The following NEBL variants were observed in gnomAD, a reference collection of about 807,000 sequenced individuals.
NEBL encodes the protein nebulette.
Under a neutral mutation model 140.2 loss-of-function variants are expected in NEBL, and 122 were observed. The ratio of observed to expected loss-of-function variants is 0.87; its 90% CI spans 0.75 to 1.01. NEBL has a LOEUF of 1.01. NEBL is among the 50% of genes least tolerant of loss of function. NEBL has a pLI of 0.00. For missense variants in NEBL, 1,365 were observed against 1,231.3 expected (o/e 1.11, Z -1.62); for synonymous variants, 436 against 398.9 (o/e 1.09, Z -1.11).
intron 3 of NEBL, chr10:21,020,035 T>C (rs1838723611): frequency 1.6e-6 from 2 of 1,227,536 alleles, no homozygotes; most frequent in Non-Finnish European, 2.4e-6. Flanking sequence ...GCAGGAACAG[T>C]ACGAAGACAA....
upstream of NEBL, among the ~76,000 whole-genome samples, chr10:21,179,903 C>T (rs1841361254): frequency 1.3e-5 from 2 of 151,992 alleles, no homozygotes; most frequent in African/African-American, 4.8e-5. Flanking sequence ...TTTGGGAGGC[C>T]AAGGCAGGCA....
At chr10:20,988,506 C>A (rs1363084524) in intron 3 of NEBL, among the ~76,000 whole-genome samples, 1 of 152,096 alleles carries the variant, frequency 6.6e-6, no homozygotes, top group Non-Finnish European at 1.5e-5. Context: ...CTAAAGCCAA[C>A]TCCTCCCTCC....
chr10:21,263,857 C>T (rs1176751614), intron 1 of NEBL, among the ~76,000 whole-genome samples: 1 of 152,076 alleles, frequency 6.6e-6, no homozygotes, highest in Non-Finnish European at 1.5e-5. Context: ...CCCAGATACT[C>T]GGGAGGTTGA....
At chr10:21,063,880 T>C (rs1315867729) in intron 2 of NEBL, among the ~76,000 whole-genome samples, 3 of 143,706 alleles carry the variant, frequency 2.1e-5, no homozygotes, top group African/African-American at 4.9e-5. Flanking sequence ...AAAAAATAAA[T>C]AAACAAATAA....
intron 1 of NEBL, among the ~76,000 whole-genome samples, chr10:21,271,461 C>T (rs1393370751): frequency 4.0e-5 from 6 of 151,356 alleles, no homozygotes; most frequent in Non-Finnish European, 8.8e-5. Context: ...TCATGTACAA[C>T]GTGGTAGCTA....
intron 3 of NEBL, among the ~76,000 whole-genome samples, chr10:20,968,684 C>T (rs774560292): frequency 1.3e-5 from 2 of 152,144 alleles, no homozygotes; most frequent in Non-Finnish European, 2.9e-5. Context: ...ATATGTTTAA[C>T]AGAAGCCTAA....
chr10:21,026,825 A>G (rs1249986298), intron 2 of NEBL, among the ~76,000 whole-genome samples: 1 of 151,996 alleles, frequency 6.6e-6, no homozygotes, highest in Non-Finnish European at 1.5e-5. Flanking sequence ...AGGGTTTTCT[A>G]CCATCATTAA....
intron 2 of NEBL, among the ~76,000 whole-genome samples, chr10:21,162,271 G>T (rs1437590592): frequency 6.6e-6 from 1 of 152,144 alleles, no homozygotes; most frequent in Non-Finnish European, 1.5e-5. Context: ...GTCTTGATTT[G>T]TATCTGTTAT....
rs141038685 is a variant in NEBL at position 20,990,714 on chromosome 10, A to G, written c.250-28935T>C. 1.3e-3 allele frequency among the ~76,000 whole-genome samples: 200 copies of G among 152,344 alleles called. 1 individual carries two copies. The highest frequency in any genetic ancestry group is 4.6e-3 in the African/African-American group (190 of 41,584). On this transcript the variant is annotated intron_variant, in intron 3 of 6. Transcript: ENST00000417816. ...TATGCAAGTTAAAATTACTCACTAAATGCAGCTTAGCCAGCCTAGCAAAAT... is the reference window on the plus strand; with the variant it reads ...TATGCAAGTTAAAATTACTCACTAAGTGCAGCTTAGCCAGCCTAGCAAAAT...
intron 2 of NEBL, among the ~76,000 whole-genome samples, chr10:21,036,071 G>C (rs1207127771): frequency 2.0e-5 from 3 of 152,122 alleles, no homozygotes; most frequent in Non-Finnish European, 2.9e-5. Context: ...GCCGAGGCAG[G>C]AGAATCACTT....
At chr10:21,252,368 C>G (rs1288558052) in intron 1 of NEBL, among the ~76,000 whole-genome samples, 1 of 152,134 alleles carries the variant, frequency 6.6e-6, no homozygotes, top group Non-Finnish European at 1.5e-5. Context: ...ACAAAAAAAG[C>G]AGAAAGCAGA....
At chr10:21,284,331 T>G (rs541080055) in intron 1 of NEBL, among the ~76,000 whole-genome samples, 24 of 151,974 alleles carry the variant, frequency 1.6e-4, no homozygotes, top group Non-Finnish European at 3.1e-4. Context: ...GCTTTTGTTC[T>G]TTCTAATCAT....
At chr10:20,840,653 G>T in intron 13 of NEBL, 86 bp downstream of exon 13, 1 of 869,340 alleles carries the variant, frequency 1.2e-6, no homozygotes, top group Non-Finnish European at 1.9e-6. Flanking sequence ...AAAAGTTATA[G>T]ATGTATAGAA....
At chr10:21,137,239 G>T (rs943116093) in intron 2 of NEBL, among the ~76,000 whole-genome samples, 3 of 152,128 alleles carry the variant, frequency 2.0e-5, no homozygotes, top group African/African-American at 7.2e-5. Context: ...AAAATCCAAA[G>T]AAATATATTT....
In NEBL at chr10:21,268,460, G is replaced by T. The variant is rs1483621770; in HGVS notation, n.183-16632C>A. 2.6e-5 allele frequency among the ~76,000 whole-genome samples: 4 copies of T among 152,030 alleles called. No homozygotes were observed. In the East Asian group the frequency reaches 7.7e-4, roughly 29 times the overall value. On this transcript the variant is annotated intron_variant and non_coding_transcript_variant, in intron 1 of 8. Transcript: ENST00000675702. The stretch of plus-strand genomic sequence containing the variant: ...TTCATGCCACTGTGCTCCAGCCTGG[G>T]CAACAGAGCAAGGCTCTATCTCTAA...
At chr10:20,860,880 TAGAG>T (rs1476632879) in intron 7 of NEBL, among the ~76,000 whole-genome samples, 2 of 152,114 alleles carry the variant, frequency 1.3e-5, no homozygotes, top group Non-Finnish European at 2.9e-5. Flanking sequence ...TGGAACCTAT[TAGAG>T]AGAGCTAGAG....
chr10:20,961,990 C>A (rs1836073087), intron 3 of NEBL, among the ~76,000 whole-genome samples: 1 of 152,154 alleles, frequency 6.6e-6, no homozygotes, highest in Non-Finnish European at 1.5e-5. Context: ...TAAGCAAGTT[C>A]TTTAACCACT....
intron 5 of NEBL, among the ~76,000 whole-genome samples, chr10:20,871,871 CT>C (rs1844973732): frequency 6.6e-6 from 1 of 152,010 alleles, no homozygotes; most frequent in South Asian, 2.1e-4. Context: ...AAGCAACATG[CT>C]TATCCACAAA....
intron 3 of NEBL, among the ~76,000 whole-genome samples, chr10:20,987,109 A>G (rs1837285141): frequency 1.3e-5 from 2 of 152,168 alleles, no homozygotes; most frequent in Admixed American, 1.3e-4. Flanking sequence ...TTTCTAAGCT[A>G]TTATACCATG....
Sources: allele counts gnomAD v4.1 joint callset (sites outside exome capture counted in the v4.1 genomes callset), GRCh38; gene constraint gnomAD v4.1.1; transcripts MANE v1.5; gene names NCBI Gene and HGNC (gene_info 2026-07-23, HGNC 2026-07-21).